Variants in EMC3 observed in about 807,000 individuals in gnomAD.
EMC3 encodes the protein ER membrane protein complex subunit 3.
EMC3 carries 13 observed loss-of-function variants against 36.6 expected under a neutral mutation model. The observed-to-expected ratio is 0.35, with a 90% confidence interval of 0.23 to 0.56. EMC3 has a LOEUF of 0.56. Among genes scored for constraint, EMC3 ranks in the 20% least tolerant of loss-of-function variants. The pLI is 0.84. For missense variants in EMC3, 220 were observed against 324.5 expected (o/e 0.68, Z 2.47); for synonymous variants, 120 against 111.9 (o/e 1.07, Z -0.46).
At chr3:10,005,081 A>T (rs2124941494) in intron 1 of EMC3, 1 of 152,308 alleles carries the variant, frequency 6.6e-6, no homozygotes, top group Middle Eastern at 3.4e-3. Flanking sequence ...CATCTTGAAG[A>T]CTTTCCATCA....
intron 7 of EMC3, among the ~76,000 whole-genome samples, chr3:9,966,327 A>G (rs2085736443): frequency 6.6e-6 from 1 of 150,582 alleles, no homozygotes; most frequent in Non-Finnish European, 1.5e-5. Context: ...GGTTTAGGCA[A>G]TTCTCCTGCC....
chr3:9,985,063 A>C (rs1433447262), intron 1 of EMC3, among the ~76,000 whole-genome samples: 1 of 152,244 alleles, frequency 6.6e-6, no homozygotes, highest in African/African-American at 2.4e-5. Flanking sequence ...TGAAAATGTT[A>C]CAGTAGTGCT....
chr3:10,001,691 A>G (rs764123677), intron 1 of EMC3, among the ~76,000 whole-genome samples: 18 of 152,084 alleles, frequency 1.2e-4, no homozygotes, highest in Non-Finnish European at 1.8e-4. Flanking sequence ...TGACTACTGT[A>G]GCTTTGTATT....
At chr3:10,004,745 T>G (rs993170070) in intron 1 of EMC3, 1 of 152,328 alleles carries the variant, frequency 6.6e-6, no homozygotes, top group African/African-American at 2.4e-5. Flanking sequence ...ATGTGTCTAC[T>G]CCTTGGCACC....
intron 1 of EMC3, among the ~76,000 whole-genome samples, chr3:9,985,121 G>A (rs1233979509): frequency 6.6e-6 from 1 of 152,090 alleles, no homozygotes; most frequent in Non-Finnish European, 1.5e-5. Context: ...TTTGTCCAAC[G>A]CTTGTATCAT....
At chr3:9,998,939 G>C (rs1023150133) in intron 1 of EMC3, among the ~76,000 whole-genome samples, 1 of 151,966 alleles carries the variant, frequency 6.6e-6, no homozygotes, top group African/African-American at 2.4e-5. Flanking sequence ...TGCAATTTTG[G>C]TAGACATAAG....
chr3:9,998,381 T>G (rs1389538054), intron 1 of EMC3, among the ~76,000 whole-genome samples: 1 of 145,352 alleles, frequency 6.9e-6, no homozygotes, highest in Admixed American at 6.9e-5. Context: ...ATAATAATAA[T>G]AATAATAATA....
chr3:9,984,926 A>C (rs1362512129), intron 1 of EMC3, among the ~76,000 whole-genome samples: 1 of 152,248 alleles, frequency 6.6e-6, no homozygotes, highest in Non-Finnish European at 1.5e-5. Context: ...CTATAAAATG[A>C]GACAATATGT....
At chr3:9,985,844 A>G (rs2085965315) in intron 1 of EMC3, among the ~76,000 whole-genome samples, 1 of 152,204 alleles carries the variant, frequency 6.6e-6, no homozygotes, top group African/African-American at 2.4e-5. Flanking sequence ...CAGTGAGCTG[A>G]GATGACGCCA....
At chr3:10,004,918 T>C (rs1195083761) in intron 1 of EMC3, 1 of 152,242 alleles carries the variant, frequency 6.6e-6, no homozygotes, top group South Asian at 2.1e-4. Flanking sequence ...GCATAGCTTT[T>C]AGAGGCAGGA....
upstream of EMC3, chr3:9,987,070 C>G (rs542961860): frequency 1.3e-4 from 121 of 913,064 alleles, no homozygotes; most frequent in Admixed American, 2.8e-3. Context: ...AAAAAATTAG[C>G]CAGGCGTGGT....
At chr3:9,986,036 C>T (rs1575686575) in intron 1 of EMC3, among the ~76,000 whole-genome samples, 1 of 152,152 alleles carries the variant, frequency 6.6e-6, no homozygotes, top group East Asian at 1.9e-4. Flanking sequence ...CGCTTTGGTA[C>T]TTGGCATCTC....
chr3:9,973,883 T>C (rs998967859), intron 4 of EMC3, among the ~76,000 whole-genome samples, 174 bp from the exon 5 acceptor site: 16 of 152,208 alleles, frequency 1.1e-4, no homozygotes, highest in Admixed American at 7.9e-4. Flanking sequence ...CACTCTGCTC[T>C]AGTTTCCCTG....
At chr3:9,974,021 T>C (rs1305024214) in intron 4 of EMC3, among the ~76,000 whole-genome samples, 1 of 152,168 alleles carries the variant, frequency 6.6e-6, no homozygotes, top group African/African-American at 2.4e-5. Context: ...ATTATGTTAA[T>C]AAGAAACCAA....
chr3:9,965,062 G>C (rs906831909), intron 7 of EMC3, among the ~76,000 whole-genome samples: 1 of 148,144 alleles, frequency 6.8e-6, no homozygotes, highest in African/African-American at 2.5e-5. Flanking sequence ...CCTATCTTTA[G>C]ATGAGCCTAG....
intron 5 of EMC3, among the ~76,000 whole-genome samples, chr3:9,971,655 C>T (rs952114369): frequency 2.0e-5 from 3 of 152,186 alleles, no homozygotes; most frequent in African/African-American, 7.2e-5. Flanking sequence ...TTCTCCAACC[C>T]ATGAAGTTTT....
chr3:9,969,978 GA>G (rs1285778422), intron 6 of EMC3, among the ~76,000 whole-genome samples, 177 bp from the exon 7 acceptor site: 6 of 152,118 alleles, frequency 3.9e-5, no homozygotes, highest in Non-Finnish European at 7.4e-5. Context: ...GAAAAATGGG[GA>G]CAGTAACAGC....
intron 1 of EMC3, chr3:10,004,091 A>G (rs752108102): frequency 6.6e-6 from 1 of 152,182 alleles, no homozygotes; most frequent in Admixed American, 6.5e-5. Context: ...ATTTTATACC[A>G]CATGGTGGCT....
At chr3:10,002,464 T>G (rs1488471306) in intron 1 of EMC3, among the ~76,000 whole-genome samples, 1 of 151,994 alleles carries the variant, frequency 6.6e-6, no homozygotes, top group African/African-American at 2.4e-5. Flanking sequence ...TTCTGTATTT[T>G]CTATAGAGAT....
Sources: gnomAD v4.1 joint callset for allele counts (sites outside exome capture counted in the v4.1 genomes callset) on GRCh38, gnomAD v4.1.1 for gene constraint, MANE v1.5 for transcripts, NCBI Gene and HGNC (gene_info 2026-07-23, HGNC 2026-07-21) for gene names.